The following GABRA3 variants were observed in gnomAD, a reference collection of about 807,000 sequenced individuals.
The protein encoded by GABRA3 is gamma-aminobutyric acid type A receptor subunit alpha3.
A neutral mutation model predicts 30.1 loss-of-function variants in GABRA3; 10 were observed. The observed-to-expected ratio is 0.33, with a 90% CI of 0.20 to 0.56. GABRA3 has a LOEUF of 0.56. Among genes scored for constraint, GABRA3 ranks in the 20% least tolerant of loss-of-function variants. GABRA3 has a pLI of 0.89. For missense variants in GABRA3, 233 were observed against 392.0 expected (o/e 0.59, Z 3.42); for synonymous variants, 151 against 146.8 (o/e 1.03, Z -0.21).
intron 1 of GABRA3, among the ~76,000 whole-genome samples, chrX:152,397,171 G>T (rs1929681217): frequency 8.9e-6 from 1 of 112,069 alleles, no homozygotes; most frequent in Admixed American, 9.5e-5. Context: ...GCACTGAGGA[G>T]TGAAGGCATA....
intron 4 of GABRA3, among the ~76,000 whole-genome samples, chrX:152,276,234 G>T (rs1289377082): frequency 9.0e-6 from 1 of 111,715 alleles, no homozygotes; most frequent in Non-Finnish European, 1.9e-5. Flanking sequence ...CTTGTCTTTA[G>T]TATGTACAGA....
chrX:152,229,665 G>T (rs978921889), intron 5 of GABRA3, among the ~76,000 whole-genome samples: 3 of 109,796 alleles, frequency 2.7e-5, no homozygotes, highest in African/African-American at 1.0e-4. Context: ...GAGATCAAGG[G>T]GAAGAGTAAT....
intron 1 of GABRA3, among the ~76,000 whole-genome samples, chrX:152,369,525 C>T (rs1428709549): frequency 9.0e-6 from 1 of 111,420 alleles, no homozygotes; most frequent in Non-Finnish European, 1.9e-5. Flanking sequence ...GCTCCTGCAC[C>T]AGGGCCTTTG....
At chrX:152,313,010 T>A (rs1001804894) in intron 3 of GABRA3, among the ~76,000 whole-genome samples, 7 of 111,884 alleles carry the variant, frequency 6.3e-5, no homozygotes, top group Non-Finnish European at 1.3e-4. Context: ...GAATGTAAAG[T>A]AGTTCAGCCA....
At chrX:152,374,190 A>C (rs1928926471) in intron 1 of GABRA3, among the ~76,000 whole-genome samples, 2 of 110,686 alleles carry the variant, frequency 1.8e-5, no homozygotes, top group South Asian at 7.8e-4. Context: ...TGTAGACTCT[A>C]TATAGCAAAC....
At chrX:152,248,206 A>T (rs1422040717) in intron 5 of GABRA3, among the ~76,000 whole-genome samples, 1 of 99,212 alleles carries the variant, frequency 1.0e-5, no homozygotes, top group Admixed American at 1.0e-4. Flanking sequence ...ATTTCAATTT[A>T]AAAAAAAAAA....
At chrX:152,395,604 T>C (rs371099682) in intron 1 of GABRA3, among the ~76,000 whole-genome samples, 1 of 111,995 alleles carries the variant, frequency 8.9e-6, no homozygotes, top group African/African-American at 3.2e-5. Flanking sequence ...ATGGCTCTTT[T>C]GTTTGAGCAT....
intron 3 of GABRA3, among the ~76,000 whole-genome samples, chrX:152,329,578 C>T (rs776177082): frequency 9.0e-6 from 1 of 111,608 alleles, no homozygotes; most frequent in Non-Finnish European, 1.9e-5. Flanking sequence ...ATAAACCTGA[C>T]AAAAACAAGA....
chrX:152,323,383 T>C (rs1430636952), intron 3 of GABRA3, among the ~76,000 whole-genome samples: 2 of 111,876 alleles, frequency 1.8e-5, no homozygotes, highest in Non-Finnish European at 3.8e-5. Flanking sequence ...AAGAGGCCAA[T>C]GTTCTATTCC....
chrX:152,225,252 C>T (rs1050425521), intron 5 of GABRA3, among the ~76,000 whole-genome samples: 1 of 110,491 alleles, frequency 9.1e-6, no homozygotes, highest in African/African-American at 3.3e-5. Context: ...TTAAAGATTG[C>T]ACTGAAGAGA....
At chrX:152,382,090 CAAAT>C (rs1302065434) in intron 1 of GABRA3, among the ~76,000 whole-genome samples, 2 of 111,565 alleles carry the variant, frequency 1.8e-5, no homozygotes, top group Admixed American at 9.5e-5. Flanking sequence ...AAGAAAAAAA[CAAAT>C]AACCCCATCA....
chrX:152,307,631 C>A (rs1207458582), intron 3 of GABRA3, among the ~76,000 whole-genome samples: 2 of 111,526 alleles, frequency 1.8e-5, no homozygotes, highest in African/African-American at 3.3e-5. Flanking sequence ...ACACTCTGAG[C>A]ATATCTTCGG....
chrX:152,232,170 T>C (rs1722009680), intron 5 of GABRA3, among the ~76,000 whole-genome samples: 1 of 111,671 alleles, frequency 9.0e-6, no homozygotes, highest in African/African-American at 3.2e-5. Context: ...AAAAAGTTTT[T>C]ATTTTAAATG....
At chrX:152,445,034 C>G in intron 1 of GABRA3, among the ~76,000 whole-genome samples, 1 of 62,867 alleles carries the variant, frequency 1.6e-5, no homozygotes, top group Admixed American at 2.5e-4. Context: ...GCACTCCAGC[C>G]TGGGCAACAG....
rs1014318922 is a variant in GABRA3, at chrX:152,166,871, C to T, written c.*1357G>A. The T allele has an allele frequency of 9.0e-5, 10 of 110,708 alleles. No homozygotes were observed. The highest frequency in any genetic ancestry group is 2.9e-4 in the East Asian group (1 of 3,503). 9.1% of individuals were successfully genotyped at this position (110,708 alleles called of 1,213,427 possible). ...ATTTTGGCCTTTGGAAAGGGGCGCA[C>T]GATAGCTCTTTATTAAAGACACTTG... is the stretch of plus-strand genomic sequence containing the variant. On this transcript the variant is annotated 3_prime_UTR_variant, in exon 10 of 10. Transcript: ENST00000370314.
intron 9 of GABRA3, among the ~76,000 whole-genome samples, chrX:152,174,813 A>T (rs1327326868): frequency 9.0e-6 from 1 of 111,549 alleles, no homozygotes; most frequent in East Asian, 2.8e-4. Context: ...CCATTTTTCA[A>T]TTTTGGCTTT....
intron 7 of GABRA3, among the ~76,000 whole-genome samples, chrX:152,207,444 C>A (rs983135485): frequency 4.5e-5 from 5 of 111,616 alleles, no homozygotes; most frequent in African/African-American, 1.6e-4. Flanking sequence ...ACTCTAGTTT[C>A]ATTTGTCAAT....
rs1369629470 is a variant in GABRA3 at position 152,224,791 on chromosome X, C to T, written c.606G>A (p.Val202=). The change falls in exon 6 of 10, where the codon GTG becomes GTA. Residue 202 remains valine, a synonymous_variant. Coordinates refer to ENST00000370314, the MANE Select transcript of GABRA3 (RefSeq NM_000808.4). ...TTCCAAACTTCAGTGGGCAGGCATG[C>T]ACATCCATGGGAAAATCTTCCAAAT... ...PMHLEDFPMD[V]HACPLKFGSY... is the part of the protein sequence containing the mutation. 8.4e-7 allele frequency: 1 copy of T among 1,196,814 alleles called. No individual in the cohort carries two copies. The highest frequency in any genetic ancestry group is 1.7e-5 in the African/African-American group (1 of 57,352).
intron 1 of GABRA3, among the ~76,000 whole-genome samples, chrX:152,444,255 A>C (rs1290770691): frequency 9.0e-6 from 1 of 111,653 alleles, no homozygotes; most frequent in East Asian, 2.8e-4. Context: ...ATTAAGAGGG[A>C]CACTGAAGAT....
Sources: allele counts gnomAD v4.1 joint callset (sites outside exome capture counted in the v4.1 genomes callset), GRCh38; gene constraint gnomAD v4.1.1; transcripts MANE v1.5; gene names NCBI Gene and HGNC (gene_info 2026-07-23, HGNC 2026-07-21).